Variants in CHKA observed in about 807,000 individuals in gnomAD.
CHKA encodes the protein choline kinase alpha, also known as CHETK-alpha.
CHKA carries 34 observed loss-of-function variants against 60.1 expected under a neutral mutation model. That is an observed-to-expected ratio of 0.57 (90% CI 0.43 to 0.75). The LOEUF (loss-of-function observed/expected upper bound fraction) is 0.75, where lower values mean the gene tolerates loss of function less well. CHKA is among the 30% of genes least tolerant of loss of function. The probability of loss-of-function intolerance (pLI) is 0.00; values close to 1 mark genes in which losing one functional copy is unlikely to be tolerated. For synonymous variants in CHKA, 217 were observed against 223.1 expected (o/e 0.97, Z 0.24); for missense variants, 563 against 561.3 (o/e 1.00, Z -0.03).
Position 68,097,068 on chromosome 11 carries a change from T to C in CHKA, c.413A>G (p.Asp138Gly). 6.2e-7 allele frequency: 1 copy of C among 1,613,736 alleles called. No individual in the cohort carries two copies. The highest frequency in any genetic ancestry group is 8.5e-7 in the Non-Finnish European group (1 of 1,179,842). The change falls in exon 2 of 12, where the codon GAT becomes GGT. Residue 138 changes from aspartate to glycine, a missense_variant. Transcript: ENST00000265689. ...SLPDTTATLG[D>G]EPRKVLLRLY... Reference sequence around the variant, plus strand: ...CCGCAGGAGCACTTTCCGAGGCTCATCACCAAGGGTGGCTGTGGTGTCAGG... The same window carrying C: ...CCGCAGGAGCACTTTCCGAGGCTCACCACCAAGGGTGGCTGTGGTGTCAGG...
intron 7 of CHKA, among the ~76,000 whole-genome samples, chr11:68,067,463 T>C (rs1011903998): frequency 6.6e-6 from 1 of 151,996 alleles, no homozygotes; most frequent in Non-Finnish European, 1.5e-5. Context: ...GGTGTAGTGG[T>C]GTGCGCCTGT....
At chr11:68,092,492 T>C (rs1361441427) in intron 2 of CHKA, among the ~76,000 whole-genome samples, 2 of 152,212 alleles carry the variant, frequency 1.3e-5, no homozygotes, top group Non-Finnish European at 2.9e-5. Flanking sequence ...GAAAGGAATT[T>C]AAAATCCTCG....
At chr11:68,079,705 T>C (rs1367756739) in intron 3 of CHKA, among the ~76,000 whole-genome samples, 2 of 152,180 alleles carry the variant, frequency 1.3e-5, no homozygotes, top group East Asian at 3.8e-4. Context: ...TAAATTCATA[T>C]AAAATTCACA....
At chr11:68,117,138 A>G (rs1487382129) in intron 1 of CHKA, among the ~76,000 whole-genome samples, 2 of 152,204 alleles carry the variant, frequency 1.3e-5, no homozygotes, top group Admixed American at 6.5e-5. Context: ...CAAAGTGCTA[A>G]GGATGAGACA....
At chr11:68,116,940 A>C (rs571007412) in intron 1 of CHKA, among the ~76,000 whole-genome samples, 68 of 152,274 alleles carry the variant, frequency 4.5e-4, no homozygotes, top group African/African-American at 1.6e-3. Flanking sequence ...CACAGCAAAG[A>C]GGCCAACTTA....
chr11:68,106,975 C>T (rs897746659), intron 1 of CHKA, among the ~76,000 whole-genome samples: 1 of 152,100 alleles, frequency 6.6e-6, no homozygotes, highest in African/African-American at 2.4e-5. Context: ...CATGTTCGGC[C>T]GGGCATGGTG....
At chr11:68,066,040 T>C in intron 8 of CHKA, 146 bp from the exon 9 acceptor site, 1 of 593,526 alleles carries the variant, frequency 1.7e-6, no homozygotes, top group South Asian at 2.2e-5. Flanking sequence ...CTGTAGCTGC[T>C]TTAATGACAG....
chr11:68,117,826 A>C (rs1394801813), intron 1 of CHKA, among the ~76,000 whole-genome samples: 2 of 152,260 alleles, frequency 1.3e-5, no homozygotes, highest in Non-Finnish European at 2.9e-5. Context: ...AAAATGCAAG[A>C]AGATCCTAAG....
chr11:68,081,500 C>A, intron 2 of CHKA, 43 bp from the exon 3 acceptor site: 1 of 1,486,864 alleles, frequency 6.7e-7, no homozygotes, highest in Admixed American at 1.7e-5. Flanking sequence ...AGATGGGGAA[C>A]ACTAAACAGA....
Position 68,086,538 on chromosome 11 carries a change from A to C in CHKA, c.463-5081T>G, listed in dbSNP as rs1211926303. On this transcript the variant is annotated intron_variant, in intron 2 of 11. Coordinates refer to ENST00000265689, the MANE Select transcript of CHKA (RefSeq NM_001277.3). The stretch of plus-strand genomic sequence containing the variant: ...CCAGTACTTAATGAAAGACTTCTCT[A>C]ATACTGAGGGAAGTAGGTTTATGAC... Among the ~76,000 whole-genome samples the C allele has an allele frequency of 3.3e-5, 5 of 152,260 alleles. No individual in the cohort carries two copies. In the East Asian group the frequency reaches 9.6e-4, roughly 29 times the overall value.
chr11:68,071,986 C>A (rs1372201041), intron 4 of CHKA, among the ~76,000 whole-genome samples: 1 of 152,220 alleles, frequency 6.6e-6, no homozygotes, highest in African/African-American at 2.4e-5. Flanking sequence ...GCAATAAGAA[C>A]AGGGCCTCCA....
chr11:68,120,884 G>T lies in CHKA; in HGVS notation c.294C>A (p.Phe98Leu), dbSNP rs769150612. ...GGAGGCCCCGCCAGGCGCCGGGCAGGAACTCCTTGCACCACAGATAGGCCC... is the reference window on the plus strand; with the variant it reads ...GGAGGCCCCGCCAGGCGCCGGGCAGTAACTCCTTGCACCACAGATAGGCCC... ...RRRAYLWCKE[F>L]LPGAWRGLRE... Residue 98 changes from phenylalanine (F) to leucine (L), a missense_variant, in exon 1 of 12, where the codon TTC becomes TTA. Transcript: ENST00000265689. 3 of 1,355,762 alleles carry T rather than the reference G, an allele frequency of 2.2e-6. No homozygotes were observed. Among genetic ancestry groups the T allele is most frequent in the East Asian group, 3.6e-5 (1 of 28,138 alleles). The allele number at this position is 1,355,762 out of a possible 1,614,324, so 84.0% of individuals were successfully genotyped here.
At chr11:68,115,408 T>C (rs1335593824) in intron 1 of CHKA, among the ~76,000 whole-genome samples, 3 of 152,150 alleles carry the variant, frequency 2.0e-5, no homozygotes, top group Non-Finnish European at 4.4e-5. Context: ...TGATAATATG[T>C]CAATGTAGGT....
intron 2 of CHKA, among the ~76,000 whole-genome samples, chr11:68,086,623 A>C (rs1029316487): frequency 6.6e-6 from 1 of 152,218 alleles, no homozygotes; most frequent in Non-Finnish European, 1.5e-5. Context: ...TTTTCCCTAG[A>C]GTCTGTGTAT....
At chr11:68,068,720 A>T (rs372840280) in intron 7 of CHKA, among the ~76,000 whole-genome samples, 159 bp downstream of exon 7, 97 of 152,280 alleles carry the variant, frequency 6.4e-4, no homozygotes, top group African/African-American at 2.3e-3. Flanking sequence ...GACTGGCCTC[A>T]TACTCTATAA....
chr11:68,084,374 A>T (rs1857102756), intron 2 of CHKA, among the ~76,000 whole-genome samples: 1 of 126,340 alleles, frequency 7.9e-6, no homozygotes, highest in Non-Finnish European at 1.7e-5. Flanking sequence ...ATATATACGT[A>T]TATGTGTATA....
chr11:68,078,956 T>A (rs1181633425), intron 3 of CHKA, among the ~76,000 whole-genome samples: 1 of 152,072 alleles, frequency 6.6e-6, no homozygotes, highest in African/African-American at 2.4e-5. Context: ...TTATTATTTT[T>A]TTTTTGGAGA....
In CHKA at chr11:68,074,748, A is replaced by AAG; in HGVS notation, c.597_598dup (p.Phe200SerfsTer16). Reference sequence around the variant, plus strand: ...GAACTGCTCCAGTCGGCCTTGGGGAAAGATGCCATAGAGTTTTGGCCCAAG... The same window carrying AAG: ...GAACTGCTCCAGTCGGCCTTGGGGAAAGAGATGCCATAGAGTTTTGGCCCAAG... On this transcript the variant is annotated frameshift_variant, in exon 4 of 12. Transcript: ENST00000265689. LOFTEE classifies it high-confidence loss of function. The AAG allele has an allele frequency of 1.2e-6, 2 of 1,614,220 alleles. No homozygotes were observed. The highest frequency in any genetic ancestry group is 1.7e-6 in the Non-Finnish European group (2 of 1,180,034).
At chr11:68,104,416 A>AATT (rs570165561) in intron 1 of CHKA, among the ~76,000 whole-genome samples, 57 of 151,914 alleles carry the variant, frequency 3.8e-4, no homozygotes, top group Non-Finnish European at 7.1e-4. Context: ...TAAATAGGAC[A>AATT]ATTATTATTA....
Sources: gnomAD v4.1 joint callset for allele counts (sites outside exome capture counted in the v4.1 genomes callset) on GRCh38, gnomAD v4.1.1 for gene constraint, MANE v1.5 for transcripts, NCBI Gene and HGNC (gene_info 2026-07-23, HGNC 2026-07-21) for gene names.